The following XKR9 variants were observed in gnomAD, a reference collection of about 807,000 sequenced individuals.
XKR9 encodes the protein XK-related protein 9.
A neutral mutation model predicts 32.0 loss-of-function variants in XKR9; 32 were observed. The ratio of observed to expected loss-of-function variants is 1.00; its 90% confidence interval spans 0.76 to 1.34. The LOEUF (loss-of-function observed/expected upper bound fraction) is 1.34. XKR9 is among the 40% of genes most tolerant of loss of function. The pLI, the probability that XKR9 is intolerant of heterozygous loss-of-function variation, is 0.00. For synonymous variants in XKR9, 168 were observed against 143.4 expected (o/e 1.17, Z -1.22); for missense variants, 546 against 429.7 (o/e 1.27, Z -2.39).
the XKR9 span, among the ~76,000 whole-genome samples, chr8:70,869,483 A>G: frequency 6.6e-6 from 1 of 152,184 alleles, no homozygotes; most frequent in African/African-American, 2.4e-5. Context: ...CTTATTCACT[A>G]TCAGGAGAAT....
At chr8:70,999,207 T>C in the XKR9 span, among the ~76,000 whole-genome samples, 2 of 152,212 alleles carry the variant, frequency 1.3e-5, no homozygotes. Context: ...AGAAAGTTAT[T>C]CTTTTTTATT....
the XKR9 span, among the ~76,000 whole-genome samples, chr8:70,834,509 G>T: frequency 6.6e-6 from 1 of 151,930 alleles, no homozygotes; most frequent in African/African-American, 2.4e-5. Flanking sequence ...GTTAATTCAA[G>T]GCCTTATATT....
intron 2 of XKR9, among the ~76,000 whole-genome samples, chr8:70,787,749 C>G (rs1263533071): frequency 6.6e-6 from 1 of 151,974 alleles, no homozygotes; most frequent in Admixed American, 6.6e-5. Context: ...GTTTGCTTTA[C>G]AAAATGTTGC....
intron 2 of XKR9, among the ~76,000 whole-genome samples, chr8:70,764,907 C>A (rs1056752065): frequency 9.9e-5 from 15 of 152,160 alleles, no homozygotes; most frequent in African/African-American, 3.6e-4. Flanking sequence ...CATGTCCCTG[C>A]AAAAGACATG....
chr8:70,715,466 C>T (rs1806057218), intron 4 of XKR9, among the ~76,000 whole-genome samples: 1 of 152,028 alleles, frequency 6.6e-6, no homozygotes, highest in African/African-American at 2.4e-5. Context: ...GTGAGAGTCC[C>T]TGAAATTTAA....
At chr8:70,797,967 G>T in the XKR9 span, among the ~76,000 whole-genome samples, 1 of 152,142 alleles carries the variant, frequency 6.6e-6, no homozygotes, top group Non-Finnish European at 1.5e-5. Context: ...TGAGCATTTA[G>T]GTTGATTCCA....
At chr8:71,019,001 T>A in the XKR9 span, among the ~76,000 whole-genome samples, 3 of 152,240 alleles carry the variant, frequency 2.0e-5, no homozygotes, top group East Asian at 5.8e-4. Context: ...CATTCATATT[T>A]CTGATTGACA....
intron 2 of XKR9, among the ~76,000 whole-genome samples, chr8:70,764,720 T>C (rs980821959): frequency 1.3e-5 from 2 of 152,128 alleles, no homozygotes; most frequent in Admixed American, 1.3e-4. Flanking sequence ...TACATATTTC[T>C]CCTAATGCTA....
chr8:70,761,499 T>A (rs1157704243), intron 2 of XKR9, among the ~76,000 whole-genome samples: 1 of 152,224 alleles, frequency 6.6e-6, no homozygotes, highest in Non-Finnish European at 1.5e-5. Context: ...TGTTCGCACG[T>A]GTCTTCTTTT....
the XKR9 span, among the ~76,000 whole-genome samples, chr8:70,889,409 C>T: frequency 1.3e-5 from 2 of 151,466 alleles, no homozygotes; most frequent in Non-Finnish European, 1.5e-5. Context: ...TTTATCGTTT[C>T]ACCTTTTATT....
chr8:70,782,497 C>T (rs189091209), intron 2 of XKR9, among the ~76,000 whole-genome samples: 1 of 151,722 alleles, frequency 6.6e-6, no homozygotes, highest in Non-Finnish European at 1.5e-5. Flanking sequence ...AAAAAAAATT[C>T]CTTCTGAGAT....
At chr8:70,770,931 T>G (rs1807445629) in intron 2 of XKR9, among the ~76,000 whole-genome samples, 1 of 152,180 alleles carries the variant, frequency 6.6e-6, no homozygotes, top group Non-Finnish European at 1.5e-5. Context: ...CTTCTTGTCT[T>G]GCTGGGGTTC....
the XKR9 span, among the ~76,000 whole-genome samples, chr8:71,009,817 A>G: frequency 6.6e-6 from 1 of 152,196 alleles, no homozygotes; most frequent in Non-Finnish European, 1.5e-5. Flanking sequence ...TAAACAATGA[A>G]GCAACTATTT....
chr8:70,685,002 C>T (rs982944669), intron 3 of XKR9, among the ~76,000 whole-genome samples: 8 of 146,220 alleles, frequency 5.5e-5, no homozygotes, highest in African/African-American at 2.0e-4. Context: ...TGGGTATATA[C>T]CCAAAGGACT....
chr8:70,818,640 A>T, the XKR9 span, among the ~76,000 whole-genome samples: 1 of 152,344 alleles, frequency 6.6e-6, no homozygotes, highest in South Asian at 2.1e-4. Flanking sequence ...TGCTTAGTAT[A>T]GTATTATACA....
At chr8:70,826,306 G>A in the XKR9 span, among the ~76,000 whole-genome samples, 31 of 152,198 alleles carry the variant, frequency 2.0e-4, no homozygotes, top group East Asian at 4.8e-3. Context: ...CAGAAGCTTT[G>A]TTAGAGGCCT....
chr8:70,773,020 T>C (rs1189161921), intron 2 of XKR9, among the ~76,000 whole-genome samples: 1 of 152,218 alleles, frequency 6.6e-6, no homozygotes, highest in Non-Finnish European at 1.5e-5. Context: ...AAAGTTTATT[T>C]ATACATGTAA....
chr8:70,678,873 A>C (rs1338186939), intron 2 of XKR9, among the ~76,000 whole-genome samples: 5 of 152,256 alleles, frequency 3.3e-5, no homozygotes, highest in African/African-American at 1.2e-4. Context: ...TGTTTTTAGT[A>C]AACATTCACC....
At chr8:70,950,173 GAGCAACAATATTTCC>G in the XKR9 span, among the ~76,000 whole-genome samples, 1 of 152,168 alleles carries the variant, frequency 6.6e-6, no homozygotes, top group Admixed American at 6.5e-5. Flanking sequence ...GCACAGTGGT[GAGCAACAATATTTCC>G]AGCTCTTGCC....
Sources: gnomAD v4.1 joint callset for allele counts (sites outside exome capture counted in the v4.1 genomes callset) on GRCh38, gnomAD v4.1.1 for gene constraint, MANE v1.5 for transcripts, NCBI Gene and HGNC (gene_info 2026-07-23, HGNC 2026-07-21) for gene names.